DAB1: variants seen among roughly 807,000 people sequenced by gnomAD.
The protein encoded by DAB1 is DAB adaptor protein 1.
Under a neutral mutation model 64.6 loss-of-function variants are expected in DAB1, and 15 were observed. The observed-to-expected ratio is 0.23, with a 90% CI of 0.16 to 0.36. DAB1 has a LOEUF of 0.36. Ranked by LOEUF, DAB1 falls within the 10% of genes least tolerant of loss-of-function variation. The pLI is 1.00. For missense variants in DAB1, 596 were observed against 706.7 expected, an observed-to-expected ratio of 0.84 and a Z score of 1.78; for synonymous variants, 235 against 251.9, an observed-to-expected ratio of 0.93 and a Z score of 0.64.
chr1:57,128,021 C>T (rs1413008412), intron 4 of DAB1, among the ~76,000 whole-genome samples: 3 of 151,942 alleles, frequency 2.0e-5, no homozygotes, highest in Non-Finnish European at 4.4e-5. Context: ...GTGGGATGCG[C>T]CCGTAATCCC....
chr1:57,850,289 A>T (rs960085762), intron 1 of DAB1, among the ~76,000 whole-genome samples: 1 of 152,236 alleles, frequency 6.6e-6, no homozygotes, highest in African/African-American at 2.4e-5. Flanking sequence ...AATCAGTACC[A>T]AAGTGGCTTA....
intron 6 of DAB1, among the ~76,000 whole-genome samples, chr1:57,760,088 GA>G (rs1649004713): frequency 1.3e-5 from 2 of 152,134 alleles, no homozygotes; most frequent in African/African-American, 4.8e-5. Flanking sequence ...GCTCTCCATG[GA>G]GTGTTGAATG....
At chr1:58,066,274 A>T (rs1648847723) in intron 5 of DAB1, among the ~76,000 whole-genome samples, 1 of 152,238 alleles carries the variant, frequency 6.6e-6, no homozygotes, top group South Asian at 2.1e-4. Flanking sequence ...CCAGTGTTAA[A>T]CACACCAGCC....
chr1:58,085,958 CTTTTTTTTTTT>C (rs911523306), intron 5 of DAB1, among the ~76,000 whole-genome samples: 1 of 98,724 alleles, frequency 1.0e-5, no homozygotes, highest in South Asian at 4.7e-4. Context: ...ATCTCTCTCT[CTTTTTTTTTTT>C]TTTTTTTTTT....
chr1:57,657,582 A>G (rs931617160), intron 6 of DAB1, among the ~76,000 whole-genome samples: 1 of 152,244 alleles, frequency 6.6e-6, no homozygotes, highest in Non-Finnish European at 1.5e-5. Context: ...CAGACAGGAC[A>G]GTGACAGCAT....
chr1:58,239,372 G>T (rs1660188997), intron 4 of DAB1, among the ~76,000 whole-genome samples: 1 of 152,116 alleles, frequency 6.6e-6, no homozygotes, highest in Admixed American at 6.5e-5. Context: ...CTCCCATTTG[G>T]TTTTTAACTT....
chr1:57,531,149 T>A (rs1644658662), intron 7 of DAB1, among the ~76,000 whole-genome samples: 1 of 152,090 alleles, frequency 6.6e-6, no homozygotes, highest in Non-Finnish European at 1.5e-5. Flanking sequence ...ACAAAAGAAG[T>A]GAAAATGGCC....
At chr1:57,601,549 G>A (rs1645576005) in intron 7 of DAB1, among the ~76,000 whole-genome samples, 2 of 152,012 alleles carry the variant, frequency 1.3e-5, no homozygotes, top group South Asian at 4.2e-4. Flanking sequence ...GTCTCCAGCT[G>A]GAGACTGCAC....
chr1:58,339,983 T>G (rs898695632), intron 4 of DAB1, among the ~76,000 whole-genome samples: 5 of 152,200 alleles, frequency 3.3e-5, no homozygotes, highest in Non-Finnish European at 4.4e-5. Context: ...GGATTTGCTT[T>G]TAGAAATTCT....
At chr1:57,681,556 C>T (rs1646636799) in intron 6 of DAB1, among the ~76,000 whole-genome samples, 1 of 152,116 alleles carries the variant, frequency 6.6e-6, no homozygotes, top group African/African-American at 2.4e-5. Flanking sequence ...AAAATCTCTT[C>T]TTCCATTTGG....
intron 9 of DAB1, among the ~76,000 whole-genome samples, chr1:57,062,008 C>A (rs1201139909): frequency 6.6e-6 from 1 of 152,166 alleles, no homozygotes; most frequent in African/African-American, 2.4e-5. Flanking sequence ...GTCACATGTG[C>A]CCCCTGCTCA....
chr1:58,412,225 C>T (rs1037308006), intron 3 of DAB1, among the ~76,000 whole-genome samples: 1 of 152,088 alleles, frequency 6.6e-6, no homozygotes, highest in Admixed American at 6.6e-5. Context: ...AGGAACAGTG[C>T]TAAGTAGGGA....
At chr1:58,374,816 G>A (rs1397280424) in intron 3 of DAB1, among the ~76,000 whole-genome samples, 3 of 138,004 alleles carry the variant, frequency 2.2e-5, no homozygotes, top group Non-Finnish European at 3.2e-5. Flanking sequence ...CCATGAGCAT[G>A]GAATGTTCTT....
intron 4 of DAB1, among the ~76,000 whole-genome samples, chr1:58,332,964 G>A (rs971013288): frequency 1.3e-5 from 2 of 152,130 alleles, no homozygotes; most frequent in Non-Finnish European, 2.9e-5. Flanking sequence ...AGGCTGGAGT[G>A]CAATGGCACA....
chr1:58,466,151 G>C (rs766746469), intron 3 of DAB1, among the ~76,000 whole-genome samples: 1 of 152,158 alleles, frequency 6.6e-6, no homozygotes, highest in Non-Finnish European at 1.5e-5. Context: ...GAGGAGCGGG[G>C]CAGGGATAAT....
rs937390996 is a variant in DAB1 at position 58,530,546 on chromosome 1, T to C, written n.33-3211A>G. 2.3e-5 allele frequency: 19 copies of C among 811,974 alleles called. No homozygotes were observed. The Admixed American group carries it at 2.3e-4, about 10-fold the overall frequency. 50.3% of individuals were successfully genotyped at this position (811,974 alleles called of 1,614,324 possible). ...CTGGATTTGCTGCTTTACAGTAGTATTAAAATATCTTCACCAGAGGCTATG... is the reference window on the plus strand; with the variant it reads ...CTGGATTTGCTGCTTTACAGTAGTACTAAAATATCTTCACCAGAGGCTATG... On this transcript the variant is annotated intron_variant and non_coding_transcript_variant, in intron 1 of 20. Coordinates refer to the DAB1 transcript ENST00000485760.
At chr1:57,437,092 T>C (rs1322723366) in intron 7 of DAB1, among the ~76,000 whole-genome samples, 4 of 149,534 alleles carry the variant, frequency 2.7e-5, no homozygotes, top group Admixed American at 6.6e-5. Context: ...AGATGTTGGA[T>C]GATGGTTTGG....
intron 4 of DAB1, among the ~76,000 whole-genome samples, chr1:58,223,277 C>A (rs1488199195): frequency 6.6e-6 from 1 of 152,168 alleles, no homozygotes. Flanking sequence ...AGGCCAGGCA[C>A]GTACTCAGTT....
At chr1:58,136,213 A>G (rs1209763623) in intron 5 of DAB1, among the ~76,000 whole-genome samples, 3 of 152,188 alleles carry the variant, frequency 2.0e-5, no homozygotes, top group Non-Finnish European at 2.9e-5. Flanking sequence ...TGAGGTAAAT[A>G]AGCAGCTAGT....
Sources: gnomAD v4.1 joint callset for allele counts (sites outside exome capture counted in the v4.1 genomes callset) on GRCh38, gnomAD v4.1.1 for gene constraint, MANE v1.5 for transcripts, NCBI Gene and HGNC (gene_info 2026-07-23, HGNC 2026-07-21) for gene names.